Variants in SYNE2 observed in about 807,000 individuals in gnomAD.
SYNE2 encodes the protein spectrin repeat containing nuclear envelope protein 2.
SYNE2 carries 431 observed loss-of-function variants against 856.3 expected under a neutral mutation model. The observed-to-expected ratio is 0.50, with a 90% CI of 0.47 to 0.55. The LOEUF (loss-of-function observed/expected upper bound fraction) is 0.55, where lower values mean the gene tolerates loss of function less well. Among genes scored for constraint, SYNE2 ranks in the 20% least tolerant of loss-of-function variants. The pLI is 0.00. For missense variants in SYNE2, 8,129 were observed against 8,023.2 expected (o/e 1.01, Z -0.50); for synonymous variants, 2,923 against 2,872.3 (o/e 1.02, Z -0.56).
intron 76 of SYNE2, among the ~76,000 whole-genome samples, chr14:64,130,524 T>G (rs1039654163): frequency 7.9e-5 from 12 of 152,156 alleles, no homozygotes; most frequent in Non-Finnish European, 5.9e-5. Context: ...CAAACAAATT[T>G]AAAATTAAAA....
At chr14:63,814,060 AAACAACAACAAC>A (rs71120290) in intron 1 of SYNE2, among the ~76,000 whole-genome samples, 1 of 149,894 alleles carries the variant, frequency 6.7e-6, no homozygotes, top group Non-Finnish European at 1.5e-5. Context: ...TCTGTCTCAA[AAACAACAACAAC>A]AACAACAACA....
chr14:63,769,358 T>C (rs1886805728), intron 1 of SYNE2, among the ~76,000 whole-genome samples: 1 of 151,892 alleles, frequency 6.6e-6, no homozygotes. Flanking sequence ...GCAAATTGCT[T>C]GAGCTCAGGA....
intron 55 of SYNE2, among the ~76,000 whole-genome samples, 182 bp from the exon 56 acceptor site, chr14:64,080,274 A>C (rs1234079672): frequency 6.6e-6 from 1 of 152,210 alleles, no homozygotes; most frequent in East Asian, 1.9e-4. Context: ...AGGAGAGCTC[A>C]GGAAAAGTGT....
At chr14:64,134,009 T>C (rs2098056486) in intron 77 of SYNE2, 60 bp from the exon 78 acceptor site, 2 of 1,592,946 alleles carry the variant, frequency 1.3e-6, no homozygotes, top group Non-Finnish European at 1.7e-6. Flanking sequence ...TTAATTATGT[T>C]GTTATCTGGA....
chr14:63,787,657 G>A (rs1000572859), intron 1 of SYNE2, among the ~76,000 whole-genome samples: 2 of 152,216 alleles, frequency 1.3e-5, no homozygotes, highest in African/African-American at 4.8e-5. Context: ...GCTCCTCTCT[G>A]CAACTGGTAG....
At chr14:63,853,405 G>A (rs1444412082) in intron 1 of SYNE2, among the ~76,000 whole-genome samples, 1 of 151,462 alleles carries the variant, frequency 6.6e-6, no homozygotes, top group African/African-American at 2.4e-5. Flanking sequence ...GCCAGCGGGT[G>A]GCGTTTGTCT....
At chr14:63,995,279 T>A in intron 23 of SYNE2, 77 bp downstream of exon 23, 1 of 1,348,368 alleles carries the variant, frequency 7.4e-7, no homozygotes, top group Non-Finnish European at 1.0e-6. Context: ...ATCTTTAGCC[T>A]AGGATGAAAA....
intron 1 of SYNE2, among the ~76,000 whole-genome samples, chr14:63,781,478 CTTTTTTTTTCT>C (rs1255349119): frequency 1.3e-5 from 2 of 150,648 alleles, no homozygotes; most frequent in East Asian, 1.9e-4. Context: ...ATGAAAGCCA[CTTTTTTTTTCT>C]TTTTTTTTTC....
intron 100 of SYNE2, among the ~76,000 whole-genome samples, chr14:64,204,858 G>C (rs1187688008): frequency 6.6e-6 from 1 of 152,156 alleles, no homozygotes; most frequent in Non-Finnish European, 1.5e-5. Context: ...GATCTCACTG[G>C]GCTAAGATCA....
At chr14:64,149,689 A>G (rs903101992) in intron 84 of SYNE2, among the ~76,000 whole-genome samples, 1 of 152,244 alleles carries the variant, frequency 6.6e-6, no homozygotes, top group African/African-American at 2.4e-5. Flanking sequence ...TATTTTAAAA[A>G]TATTTAATGC....
rs961923021 is a variant in SYNE2, at chr14:63,990,586, C to A, written c.2472+17C>A. 1.9e-6 allele frequency: 3 copies of A among 1,611,554 alleles called. No homozygotes were observed. In the Admixed American group the frequency reaches 5.0e-5, roughly 27 times the overall value. ...AAAGTCCAGGTCTCTCTTTAATATT[C>A]CCTATTTAGTAATTCTGTTCTCTAA... On this transcript the variant is annotated intron_variant, in intron 20 of 115. Coordinates refer to ENST00000555002, the MANE Select transcript of SYNE2 (RefSeq NM_182914.3).
At position 64,104,807 on chromosome 14, in the gene SYNE2, T is replaced by C. The variant is rs527565912; in HGVS notation, c.12493-2684T>C. On this transcript the variant is annotated intron_variant, in intron 64 of 115. Transcript: ENST00000555002. Reference sequence around the variant, plus strand: ...CTCTGAGAGCTTGTGGTCACCTCTATGCCAGTGATTACCAAACTAAATCTC... The same window carrying C: ...CTCTGAGAGCTTGTGGTCACCTCTACGCCAGTGATTACCAAACTAAATCTC... Among the ~76,000 whole-genome samples the C allele has an allele frequency of 1.4e-4, 21 of 152,324 alleles. 1 individual carries two copies. The highest frequency in any genetic ancestry group is 5.1e-4 in the African/African-American group (21 of 41,574).
Position 64,114,792 on chromosome 14 carries a change from A to G in SYNE2, c.12840+1221A>G, listed in dbSNP as rs10148142. Among the ~76,000 whole-genome samples the G allele has an allele frequency of 6.0e-3, 905 of 151,614 alleles. 10 individuals carry two copies. Among genetic ancestry groups the G allele is most frequent in the African/African-American group, 0.021 (869 of 41,334 alleles). On this transcript the variant is annotated intron_variant, in intron 66 of 115. Transcript: ENST00000555002. ...ACCACCACACCCGGCTACTTTTTGT[A>G]TTTTTTTGTAGAGATGAGAGGTCTC...
intron 1 of SYNE2, among the ~76,000 whole-genome samples, chr14:63,784,741 G>A (rs1887449151): frequency 6.6e-6 from 1 of 152,096 alleles, no homozygotes; most frequent in Admixed American, 6.5e-5. Flanking sequence ...GGAGGCAGAG[G>A]CAGGAGTATC....
chr14:63,838,168 G>A (rs1226682972), intron 1 of SYNE2, among the ~76,000 whole-genome samples: 1 of 152,066 alleles, frequency 6.6e-6, no homozygotes, highest in Non-Finnish European at 1.5e-5. Flanking sequence ...TCAGGAGTTT[G>A]AGACCAGCCT....
intron 6 of SYNE2, among the ~76,000 whole-genome samples, 158 bp downstream of exon 6, chr14:63,942,301 T>A (rs957342487): frequency 2.0e-5 from 3 of 152,138 alleles, no homozygotes; most frequent in African/African-American, 7.2e-5. Context: ...GCAGACTTTT[T>A]GCCATTTCTG....
intron 78 of SYNE2, 144 bp from the exon 79 acceptor site, chr14:64,137,643 G>A: frequency 1.2e-6 from 1 of 843,862 alleles, no homozygotes; most frequent in Admixed American, 2.2e-5. Flanking sequence ...CATGCATCCA[G>A]TCAGACTATA....
At chr14:63,885,347 G>T (rs1428815098) in intron 1 of SYNE2, among the ~76,000 whole-genome samples, 4 of 151,912 alleles carry the variant, frequency 2.6e-5, no homozygotes. Flanking sequence ...CTGTGAAGTT[G>T]GCGAGGCTCT....
intron 94 of SYNE2, among the ~76,000 whole-genome samples, chr14:64,173,451 C>T (rs1028809541): frequency 1.3e-5 from 2 of 152,130 alleles, no homozygotes; most frequent in Non-Finnish European, 2.9e-5. Context: ...GGCTTTCCTC[C>T]TTTGGGTATG....
Sources: gnomAD v4.1 joint callset for allele counts (sites outside exome capture counted in the v4.1 genomes callset) on GRCh38, gnomAD v4.1.1 for gene constraint, MANE v1.5 for transcripts, NCBI Gene and HGNC (gene_info 2026-07-23, HGNC 2026-07-21) for gene names.